Variants in PCDHGA2 observed in about 807,000 individuals in gnomAD.
The protein encoded by PCDHGA2 is protocadherin gamma-A2.
In PCDHGA2, 40 loss-of-function variants were observed where a neutral mutation model predicts 59.2. The observed-to-expected ratio is 0.68, with a 90% CI of 0.52 to 0.88. PCDHGA2 has a LOEUF of 0.88. PCDHGA2 is among the 40% of genes least tolerant of loss of function. The pLI, the probability that PCDHGA2 is intolerant of heterozygous loss-of-function variation, is 0.00. For missense variants in PCDHGA2, 1,226 were observed against 1,204.0 expected (o/e 1.02, Z -0.27); for synonymous variants, 560 against 526.0 (o/e 1.06, Z -0.89).
chr5:141,385,363 T>G lies in PCDHGA2; in HGVS notation c.2424+43968T>G, dbSNP rs533363868. The G allele has an allele frequency of 5.7e-5, 88 of 1,539,980 alleles. No individual in the cohort carries two copies. The South Asian group carries it at 1.1e-3, about 19-fold the overall frequency. The stretch of plus-strand genomic sequence containing the variant: ...TCCTTTATTTCCATGAGGAATTTAT[T>G]TGCATGATATTTCTCTATTATTTTG... On this transcript the variant is annotated intron_variant, in intron 1 of 3. Transcript: ENST00000394576.
At chr5:141,402,765 C>T (rs2150942715) in intron 1 of PCDHGA2, among the ~76,000 whole-genome samples, 1 of 152,322 alleles carries the variant, frequency 6.6e-6, no homozygotes, top group Admixed American at 6.5e-5. Flanking sequence ...ATCAGGACTC[C>T]ATCCGGATTT....
rs1429603639 is a variant in PCDHGA2 at position 141,415,751 on chromosome 5, T to TTG, written c.2424+74357_2424+74358insGT. 7.1e-5 allele frequency: 95 copies of TTG among 1,328,716 alleles called. No homozygotes were observed. The African/African-American group carries it at 1.1e-3, about 15-fold the overall frequency. 82.3% of individuals were successfully genotyped at this position (1,328,716 alleles called of 1,614,324 possible). Reference sequence around the variant, plus strand: ...TGATGTTTATTAAGGTTTTTTTTTTTTTTTTTTTTTTTTTTTTTTTTACTT... The same window carrying TTG: ...TGATGTTTATTAAGGTTTTTTTTTTTTGTTTTTTTTTTTTTTTTTTTTTACTT... On this transcript the variant is annotated intron_variant, in intron 1 of 3. Coordinates refer to ENST00000394576, the MANE Select transcript of PCDHGA2 (RefSeq NM_018915.4).
rs1049831420 is a variant in PCDHGA2 at position 141,486,549 on chromosome 5, C to T, written c.2425-8258C>T. ...AATCCACCCTCTTTCTTTCAGAGGTCACATGAGGTGTTTGTTCCTGAGAAC... is the reference window on the plus strand; with the variant it reads ...AATCCACCCTCTTTCTTTCAGAGGTTACATGAGGTGTTTGTTCCTGAGAAC... On this transcript the variant is annotated intron_variant, in intron 1 of 3. Coordinates refer to ENST00000394576, the MANE Select transcript of PCDHGA2 (RefSeq NM_018915.4). This position sits in a 1 kb window ranked among gnomAD's most constrained non-coding sequence, Gnocchi z 5.0. The T allele has an allele frequency of 3.1e-6, 5 of 1,613,982 alleles. No individual in the cohort carries two copies. In the African/African-American group the frequency reaches 4.0e-5, roughly 13 times the overall value.
intron 1 of PCDHGA2, among the ~76,000 whole-genome samples, chr5:141,481,695 T>A (rs2099542216): frequency 1.3e-5 from 2 of 152,122 alleles, no homozygotes; most frequent in Non-Finnish European, 2.9e-5. Context: ...GGCTCACGCC[T>A]GTAATCCCAG....
In PCDHGA2 at chr5:141,341,296, T is replaced by A; in HGVS notation, c.2325T>A (p.Tyr775Ter). Reference protein sequence around the residue: ...KSHLIFPQPNYADTLISQESC... With the variant: ...KSHLIFPQPN ...ACCTGATTTTCCCCCAGCCCAACTA[T>A]GCGGACACGCTCATCAGCCAGGAGA... Residue 775 changes from tyrosine to a stop codon, truncating the protein, a stop_gained, in exon 1 of 4, where the codon TAT (tyrosine) becomes TAA (stop). Transcript: ENST00000394576. LOFTEE classifies it high-confidence loss of function. The A allele has an allele frequency of 6.2e-7, 1 of 1,614,238 alleles. No individual in the cohort carries two copies. The highest frequency in any genetic ancestry group is 8.5e-7 in the Non-Finnish European group (1 of 1,180,038).
chr5:141,433,067 T>C, intron 1 of PCDHGA2: 3 of 1,614,144 alleles, frequency 1.9e-6, no homozygotes, highest in Non-Finnish European at 2.5e-6. Context: ...TCACCTGATC[T>C]TCCCCCAGCC....
At chr5:141,405,364 C>T in intron 1 of PCDHGA2, 1 of 1,613,548 alleles carries the variant, frequency 6.2e-7, no homozygotes, top group Non-Finnish European at 8.5e-7. Flanking sequence ...TAGAAGACAC[C>T]CCTTTGGTTC....
intron 1 of PCDHGA2, chr5:141,370,178 C>T (rs1214381916): frequency 2.6e-5 from 12 of 463,756 alleles, no homozygotes; most frequent in Non-Finnish European, 4.5e-5. Context: ...CGCCGGGTGC[C>T]GCTCTTGGCT....
Position 141,487,870 on chromosome 5 carries a change from C to A in PCDHGA2, c.2425-6937C>A. On this transcript the variant is annotated intron_variant, in intron 1 of 3. Transcript: ENST00000394576. This position sits in a 1 kb window ranked among gnomAD's most constrained non-coding sequence, Gnocchi z 5.0. ...AATGAAAGTAATTGGTGATCAAGAGCCAGGCTGTTGTGGAAGCATGATGAT... is the reference window on the plus strand; with the variant it reads ...AATGAAAGTAATTGGTGATCAAGAGACAGGCTGTTGTGGAAGCATGATGAT... 3.5e-6 allele frequency: 3 copies of A among 865,052 alleles called. No individual in the cohort carries two copies. The highest frequency in any genetic ancestry group is 5.3e-6 in the Non-Finnish European group (3 of 568,628). The allele number at this position is 865,052 out of a possible 1,614,324, so 53.6% of individuals were successfully genotyped here.
intron 1 of PCDHGA2, among the ~76,000 whole-genome samples, chr5:141,460,763 T>A (rs904048213): frequency 4.6e-5 from 7 of 152,170 alleles, no homozygotes; most frequent in Admixed American, 1.3e-4. Context: ...ATATACATAT[T>A]GCATATGTAT....
intron 1 of PCDHGA2, chr5:141,475,934 G>C (rs754356530): frequency 3.0e-6 from 2 of 665,118 alleles, no homozygotes; most frequent in Non-Finnish European, 5.0e-6. Context: ...TCGGGCCCCT[G>C]CCCGTCCCCT....
chr5:141,445,249 G>T (rs1337658576), intron 1 of PCDHGA2, among the ~76,000 whole-genome samples: 2 of 152,170 alleles, frequency 1.3e-5, no homozygotes, highest in Non-Finnish European at 2.9e-5. Context: ...ACTATATTGT[G>T]TGAGAATATA....
chr5:141,508,725 G>C (rs1447443196), intron 3 of PCDHGA2, among the ~76,000 whole-genome samples: 1 of 151,788 alleles, frequency 6.6e-6, no homozygotes, highest in Non-Finnish European at 1.5e-5. Flanking sequence ...TGTGCAGGGA[G>C]ACTACACCCC....
In PCDHGA2 at chr5:141,400,151, C is replaced by G. The variant is rs201457414; in HGVS notation, c.2424+58756C>G. ...GTGCTGCCGGATATCACTGACCGCC[C>G]TGTACCCTCTGACCCCCAGGCTGAG... On this transcript the variant is annotated intron_variant, in intron 1 of 3. Transcript: ENST00000394576. 6.4e-5 allele frequency: 104 copies of G among 1,614,086 alleles called. No individual in the cohort carries two copies. The highest frequency in any genetic ancestry group is 4.9e-4 in the Middle Eastern group (3 of 6,062).
At chr5:141,414,706 A>G in intron 1 of PCDHGA2, 1 of 1,614,002 alleles carries the variant, frequency 6.2e-7, no homozygotes, top group South Asian at 1.1e-5. Context: ...ATACATATCC[A>G]TCAACTCAGA....
intron 1 of PCDHGA2, chr5:141,365,618 C>T: frequency 6.2e-7 from 1 of 1,613,564 alleles, no homozygotes; most frequent in Non-Finnish European, 8.5e-7. Flanking sequence ...CCATGGAACC[C>T]CGCCCCTCTC....
At chr5:141,504,817 G>T in intron 2 of PCDHGA2, among the ~76,000 whole-genome samples, 1 of 151,940 alleles carries the variant, frequency 6.6e-6, no homozygotes, top group East Asian at 1.9e-4. Flanking sequence ...TACCTCCTAG[G>T]TCCCCACTTT....
chr5:141,450,899 A>C (rs1045595271), intron 1 of PCDHGA2, among the ~76,000 whole-genome samples: 1 of 149,514 alleles, frequency 6.7e-6, no homozygotes, highest in Non-Finnish European at 1.5e-5. Context: ...ATATCGGCTC[A>C]CTGCAACCGC....
At chr5:141,394,071 A>G (rs953618981) in intron 1 of PCDHGA2, 1 of 1,613,908 alleles carries the variant, frequency 6.2e-7, no homozygotes, top group Non-Finnish European at 8.5e-7. Context: ...TATCTACAAT[A>G]TCACAGTGAT....
Sources: allele counts gnomAD v4.1 joint callset (sites outside exome capture counted in the v4.1 genomes callset), GRCh38; gene constraint gnomAD v4.1.1; non-coding constraint Gnocchi (gnomAD v3.1); transcripts MANE v1.5; gene names NCBI Gene and HGNC (gene_info 2026-07-23, HGNC 2026-07-21).